EDA: variants seen among roughly 807,000 people sequenced by gnomAD.
EDA encodes ectodysplasin A.
Under a neutral mutation model 23.6 loss-of-function variants are expected in EDA, and 2 were observed. The ratio of observed to expected loss-of-function variants is 0.08; its 90% confidence interval spans 0.03 to 0.27. EDA has a LOEUF of 0.27. Among genes scored for constraint, EDA ranks in the 10% least tolerant of loss-of-function variants. EDA has a pLI of 1.00. For synonymous variants in EDA, 131 were observed against 132.0 expected, an observed-to-expected ratio of 0.99 and a Z score of 0.05; for missense variants, 229 against 324.2, an observed-to-expected ratio of 0.71 and a Z score of 2.26.
At chrX:69,916,916 C>T (rs2018354998) in intron 1 of EDA, among the ~76,000 whole-genome samples, 1 of 110,560 alleles carries the variant, frequency 9.0e-6, no homozygotes, top group African/African-American at 3.3e-5. Flanking sequence ...CCTGGTCCTA[C>T]AACTTCTGTG....
intron 1 of EDA, among the ~76,000 whole-genome samples, chrX:69,875,520 C>A (rs990076304): frequency 8.9e-6 from 1 of 111,878 alleles, no homozygotes; most frequent in Non-Finnish European, 1.9e-5. Context: ...AGACCTGAAA[C>A]TATAAAAATT....
intron 1 of EDA, among the ~76,000 whole-genome samples, chrX:69,826,489 G>A (rs1284936376): frequency 5.5e-5 from 6 of 109,314 alleles, no homozygotes; most frequent in East Asian, 2.9e-4. Flanking sequence ...TTGTTGGTTT[G>A]AAGTCTGTTT....
intron 1 of EDA, among the ~76,000 whole-genome samples, chrX:69,628,988 T>C (rs1212653925): frequency 9.0e-6 from 1 of 111,469 alleles, no homozygotes; most frequent in Non-Finnish European, 1.9e-5. Context: ...CTGTTCCATA[T>C]ATATACCTCA....
intron 1 of EDA, chrX:69,749,585 C>T (rs370911390): frequency 3.6e-5 from 4 of 111,257 alleles, no homozygotes; most frequent in African/African-American, 1.3e-4. Context: ...TTTATAGAGC[C>T]GGCAGGACAA....
At chrX:69,913,126 T>G (rs1384562407) in intron 1 of EDA, among the ~76,000 whole-genome samples, 1 of 112,203 alleles carries the variant, frequency 8.9e-6, no homozygotes, top group Non-Finnish European at 1.9e-5. Context: ...TAGAATTGGC[T>G]TCAACTTAAA....
chrX:69,802,069 G>A (rs1189429040), intron 1 of EDA, among the ~76,000 whole-genome samples: 1 of 111,186 alleles, frequency 9.0e-6, no homozygotes, highest in Non-Finnish European at 1.9e-5. Context: ...ATTTTTAAAA[G>A]CACATTGTTT....
chrX:69,620,887 C>T, intron 1 of EDA: 1 of 381,345 alleles, frequency 2.6e-6, no homozygotes, highest in Non-Finnish European at 5.2e-6. Context: ...TTTTCTCTTT[C>T]TATAACAGGC....
chrX:70,023,298 GA>G (rs1178261199), intron 3 of EDA, 57 bp downstream of exon 3: 7 of 887,927 alleles, frequency 7.9e-6, no homozygotes, highest in African/African-American at 6.0e-5. Context: ...AAAGTTAGAA[GA>G]AAAAAATCAA....
In EDA at chrX:69,949,761, T is replaced by A. The variant is rs780634518; in HGVS notation, c.397-7266T>A. Among the ~76,000 whole-genome samples, 475 of 111,804 alleles carry A rather than the reference T, an allele frequency of 4.2e-3. 1 individual carries two copies. Among genetic ancestry groups the A allele is most frequent in the African/African-American group, 0.015 (456 of 30,746 alleles). On this transcript the variant is annotated intron_variant, in intron 1 of 7. Transcript: ENST00000374552. ...TGTAGGTGTTGCCAATGTGGTGGTA[T>A]TAAGAGGTGAGGCCTTTAAGAGGCA...
intron 1 of EDA, among the ~76,000 whole-genome samples, chrX:69,899,526 T>TTG (rs35667127): frequency 0.15 from 16,637 of 108,108 alleles, 1,260 homozygotes; most frequent in Non-Finnish European, 0.22. Flanking sequence ...TTATTAACAG[T>TTG]TGTGTGTGTG....
At chrX:69,688,898 T>C (rs1934623633) in intron 1 of EDA, among the ~76,000 whole-genome samples, 1 of 112,352 alleles carries the variant, frequency 8.9e-6, no homozygotes, top group African/African-American at 3.2e-5. Context: ...AGGAAGATCT[T>C]GTATGATACG....
chrX:69,937,436 A>G (rs2018689812), intron 1 of EDA: 3 of 770,082 alleles, frequency 3.9e-6, no homozygotes, highest in Non-Finnish European at 6.1e-6. Context: ...GGTACTTCAC[A>G]TCATAAATGA....
chrX:69,729,310 T>C (rs1166675471), intron 1 of EDA: 1 of 111,306 alleles, frequency 9.0e-6, no homozygotes, highest in Admixed American at 9.6e-5. Flanking sequence ...CCTCTCCACC[T>C]ATGTACTAAA....
chrX:69,895,471 A>G (rs1007552323), intron 1 of EDA, among the ~76,000 whole-genome samples: 10 of 109,354 alleles, frequency 9.1e-5, no homozygotes, highest in African/African-American at 3.3e-4. Context: ...CTGTCCCAGT[A>G]TATAGCCATT....
At chrX:69,929,171 A>G (rs1352920632) in intron 1 of EDA, among the ~76,000 whole-genome samples, 1 of 111,322 alleles carries the variant, frequency 9.0e-6, no homozygotes, top group Non-Finnish European at 1.9e-5. Context: ...AGTTACCATT[A>G]GTACAAGTAA....
chrX:69,972,293 G>T (rs1041080928), intron 2 of EDA, among the ~76,000 whole-genome samples: 2 of 110,786 alleles, frequency 1.8e-5, no homozygotes, highest in South Asian at 7.7e-4. Flanking sequence ...ACCATTTATT[G>T]GCATAATACA....
chrX:69,835,027 T>G (rs113194234), intron 1 of EDA, among the ~76,000 whole-genome samples: 1,834 of 77,855 alleles, frequency 0.024, 46 homozygotes, highest in African/African-American at 0.077. Context: ...TCTTTAAGAA[T>G]GTTAAATATC....
At chrX:69,756,982 T>G in intron 1 of EDA, 1 of 111,593 alleles carries the variant, frequency 9.0e-6, no homozygotes, top group South Asian at 3.8e-4. Context: ...ATTGACAGAG[T>G]GAGGTGAGCT....
intron 1 of EDA, among the ~76,000 whole-genome samples, chrX:69,788,859 G>C (rs1481124571): frequency 8.8e-6 from 1 of 113,288 alleles, no homozygotes; most frequent in African/African-American, 3.2e-5. Flanking sequence ...ACCTAAGCAA[G>C]CCTGGGCAAT....
Sources: allele counts gnomAD v4.1 joint callset (sites outside exome capture counted in the v4.1 genomes callset), GRCh38; gene constraint gnomAD v4.1.1; transcripts MANE v1.5; gene names NCBI Gene and HGNC (gene_info 2026-07-23, HGNC 2026-07-21).